Variants in UNC5D observed in about 807,000 individuals in gnomAD.
The protein encoded by UNC5D is netrin receptor UNC5D.
Under a neutral mutation model 105.4 loss-of-function variants are expected in UNC5D, and 39 were observed. The observed-to-expected ratio is 0.37, with a 90% CI of 0.29 to 0.48. The LOEUF is 0.48. Ranked by LOEUF, UNC5D falls within the 20% of genes least tolerant of loss-of-function variation. The pLI is 0.98. For missense variants in UNC5D, 991 were observed against 1,202.4 expected (o/e 0.82, Z 2.60); for synonymous variants, 452 against 450.4 (o/e 1.00, Z -0.04).
At chr8:35,332,752 C>T (rs187677278) in intron 1 of UNC5D, among the ~76,000 whole-genome samples, 3 of 152,200 alleles carry the variant, frequency 2.0e-5, no homozygotes, top group Admixed American at 1.3e-4. Context: ...AAATGCGTGC[C>T]GGTCCCCACT....
intron 1 of UNC5D, among the ~76,000 whole-genome samples, chr8:35,335,604 G>T (rs1427570478): frequency 6.6e-6 from 1 of 152,008 alleles, no homozygotes; most frequent in East Asian, 1.9e-4. Context: ...TTTGATAAAT[G>T]ATTGTTTCAA....
At chr8:35,568,385 A>C in intron 3 of UNC5D, 144 bp downstream of exon 3, 1 of 1,269,846 alleles carries the variant, frequency 7.9e-7, no homozygotes, top group East Asian at 2.7e-5. Flanking sequence ...GTTATTTTAA[A>C]ATGTTTGATA....
chr8:35,707,133 G>A (rs1827636083), intron 8 of UNC5D, among the ~76,000 whole-genome samples: 1 of 152,124 alleles, frequency 6.6e-6, no homozygotes. Flanking sequence ...GCTATTATGA[G>A]CTAACTTCTT....
chr8:35,764,011 GCTGCTTT>G (rs1261951961), intron 14 of UNC5D, among the ~76,000 whole-genome samples: 7 of 152,154 alleles, frequency 4.6e-5, no homozygotes, highest in Non-Finnish European at 5.9e-5. Flanking sequence ...ATCCCAATCA[GCTGCTTT>G]CTGCTTTCTG....
intron 6 of UNC5D, 116 bp from the exon 7 acceptor site, chr8:35,686,429 C>T (rs748908457): frequency 1.2e-4 from 134 of 1,128,368 alleles, no homozygotes; most frequent in Non-Finnish European, 1.5e-4. Context: ...TCTTTTGTTT[C>T]TGTTTGGTGG....
intron 1 of UNC5D, among the ~76,000 whole-genome samples, chr8:35,351,604 G>T (rs1812243397): frequency 6.6e-6 from 1 of 151,888 alleles, no homozygotes; most frequent in Non-Finnish European, 1.5e-5. Context: ...TAAAGACTGA[G>T]GATTATTGTC....
intron 1 of UNC5D, among the ~76,000 whole-genome samples, chr8:35,510,534 T>TAA (rs1812634852): frequency 6.6e-6 from 1 of 152,118 alleles, no homozygotes; most frequent in South Asian, 2.1e-4. Context: ...TTGCTGAGGT[T>TAA]GTAATAAATA....
chr8:35,393,785 A>G (rs1004640214), intron 1 of UNC5D, among the ~76,000 whole-genome samples: 3 of 152,210 alleles, frequency 2.0e-5, no homozygotes, highest in African/African-American at 7.2e-5. Context: ...TTCCAGCCAT[A>G]GAAGATATGT....
At chr8:35,496,062 G>A (rs2130173264) in intron 1 of UNC5D, among the ~76,000 whole-genome samples, 1 of 152,282 alleles carries the variant, frequency 6.6e-6, no homozygotes, top group East Asian at 1.9e-4. Context: ...AATAATTGTG[G>A]TTCTTTGAGA....
intron 1 of UNC5D, among the ~76,000 whole-genome samples, chr8:35,523,071 G>T (rs970491755): frequency 1.3e-5 from 2 of 150,264 alleles, no homozygotes; most frequent in Non-Finnish European, 3.0e-5. Flanking sequence ...AATTACAGTG[G>T]TGCCATTGTA....
At chr8:35,599,016 A>G (rs1056717210) in intron 4 of UNC5D, among the ~76,000 whole-genome samples, 1 of 151,712 alleles carries the variant, frequency 6.6e-6, no homozygotes, top group Non-Finnish European at 1.5e-5. Flanking sequence ...GGTGGCGCAC[A>G]TCTGTAGTCC....
chr8:35,745,794 G>A (rs1465147075), intron 11 of UNC5D, among the ~76,000 whole-genome samples: 1 of 152,140 alleles, frequency 6.6e-6, no homozygotes, highest in Non-Finnish European at 1.5e-5. Context: ...ATGATACATC[G>A]AGGTGGTTCA....
At chr8:35,293,990 A>G (rs1003248129) in intron 1 of UNC5D, among the ~76,000 whole-genome samples, 1 of 152,202 alleles carries the variant, frequency 6.6e-6, no homozygotes, top group Admixed American at 6.5e-5. Context: ...CAGTATTAAA[A>G]GAACTTTAAA....
intron 1 of UNC5D, among the ~76,000 whole-genome samples, chr8:35,438,278 C>A (rs1461499322): frequency 2.0e-5 from 3 of 151,950 alleles, no homozygotes; most frequent in Non-Finnish European, 4.4e-5. Flanking sequence ...TGATTTTCAC[C>A]TAACTCATTT....
At chr8:35,700,037 C>T (rs1827080051) in intron 7 of UNC5D, among the ~76,000 whole-genome samples, 1 of 152,204 alleles carries the variant, frequency 6.6e-6, no homozygotes. Flanking sequence ...TTGCCATTGT[C>T]TCCCTGACAT....
intron 1 of UNC5D, among the ~76,000 whole-genome samples, chr8:35,291,985 C>G (rs1177612287): frequency 6.6e-6 from 1 of 152,230 alleles, no homozygotes; most frequent in African/African-American, 2.4e-5. Context: ...CATTCACCCG[C>G]TGGTTTTCTT....
chr8:35,585,556 A>C (rs1343024201), intron 3 of UNC5D, among the ~76,000 whole-genome samples: 1 of 151,306 alleles, frequency 6.6e-6, no homozygotes, highest in East Asian at 1.9e-4. Flanking sequence ...GTGTGTGTAT[A>C]TATGTACATA....
At chr8:35,444,500 G>A (rs1476573055) in intron 1 of UNC5D, among the ~76,000 whole-genome samples, 3 of 151,964 alleles carry the variant, frequency 2.0e-5, no homozygotes, top group African/African-American at 7.2e-5. Context: ...AAGTGTGCAT[G>A]CATATGCATG....
intron 1 of UNC5D, among the ~76,000 whole-genome samples, chr8:35,378,858 G>A (rs1802857815): frequency 6.6e-6 from 1 of 152,136 alleles, no homozygotes; most frequent in African/African-American, 2.4e-5. Context: ...GGTGGGCTGG[G>A]GAACTCCTGT....
Sources: gnomAD v4.1 joint callset for allele counts (sites outside exome capture counted in the v4.1 genomes callset) on GRCh38, gnomAD v4.1.1 for gene constraint, MANE v1.5 for transcripts, NCBI Gene and HGNC (gene_info 2026-07-23, HGNC 2026-07-21) for gene names.